Variants in PRKG1 observed in about 807,000 individuals in gnomAD.
The protein encoded by PRKG1 is protein kinase cGMP-dependent 1, also known as cGMP-dependent protein kinase 1.
PRKG1 carries 35 observed loss-of-function variants against 88.1 expected under a neutral mutation model. That is an observed-to-expected ratio of 0.40 (90% CI 0.30 to 0.53). PRKG1 has a LOEUF of 0.53. PRKG1 is among the 20% of genes least tolerant of loss of function. The probability of loss-of-function intolerance (pLI) is 0.59; values close to 1 mark genes in which losing one functional copy is unlikely to be tolerated. For synonymous variants in PRKG1, 303 were observed against 292.5 expected, an observed-to-expected ratio of 1.04 and a Z score of -0.37; for missense variants, 540 against 839.8, an observed-to-expected ratio of 0.64 and a Z score of 4.41.
In PRKG1 at chr10:52,021,892, T is replaced by A. The variant is rs1463774541; in HGVS notation, c.763-32592T>A. Among the ~76,000 whole-genome samples the A allele has an allele frequency of 2.0e-5, 3 of 152,354 alleles. No individual in the cohort carries two copies. In the East Asian group the frequency reaches 5.8e-4, roughly 29 times the overall value. On this transcript the variant is annotated intron_variant, in intron 5 of 17. Transcript: ENST00000373980. ...CTAGGAAAAAGTGGGAAAGTGACAC[T>A]GCTTTTTCTTATTGCCATATCCATG... is the stretch of plus-strand genomic sequence containing the variant.
chr10:51,294,445 T>C (rs1417351413), intron 2 of PRKG1, among the ~76,000 whole-genome samples: 2 of 151,888 alleles, frequency 1.3e-5, no homozygotes. Context: ...ACATACTGTT[T>C]TCCCAACATA....
At chr10:51,418,820 T>G (rs185117193) in intron 2 of PRKG1, among the ~76,000 whole-genome samples, 60 of 152,282 alleles carry the variant, frequency 3.9e-4, no homozygotes, top group African/African-American at 1.4e-3. Context: ...TGGGTAATCT[T>G]GTAGGCTGAG....
At chr10:51,458,566 C>T (rs565930092) in intron 2 of PRKG1, among the ~76,000 whole-genome samples, 85 of 152,042 alleles carry the variant, frequency 5.6e-4, no homozygotes, top group African/African-American at 1.9e-3. Context: ...TACTGTGAAG[C>T]AGGTAGTTAT....
intron 3 of PRKG1, among the ~76,000 whole-genome samples, chr10:51,652,319 A>AT (rs1840058491): frequency 5.0e-5 from 2 of 40,248 alleles, no homozygotes; most frequent in African/African-American, 9.0e-5. Flanking sequence ...TCTGACACAA[A>AT]TTAAAAAAAA....
At chr10:51,585,352 G>A (rs989114504) in intron 3 of PRKG1, among the ~76,000 whole-genome samples, 16 of 152,058 alleles carry the variant, frequency 1.1e-4, no homozygotes, top group Admixed American at 9.2e-4. Flanking sequence ...ATATTTTGGT[G>A]ATTTACACAA....
At chr10:52,150,168 A>ATTATTATT (rs1564490922) in intron 8 of PRKG1, among the ~76,000 whole-genome samples, 2 of 108,658 alleles carry the variant, frequency 1.8e-5, no homozygotes, top group African/African-American at 7.9e-5. Flanking sequence ...TAATAATAAT[A>ATTATTATT]ATAATAATAA....
intron 2 of PRKG1, among the ~76,000 whole-genome samples, chr10:51,436,225 AT>A (rs1297056942): frequency 2.0e-5 from 3 of 151,268 alleles, no homozygotes; most frequent in Admixed American, 2.0e-4. Flanking sequence ...GTCCAAAGTA[AT>A]TATTGCTCTG....
intron 3 of PRKG1, among the ~76,000 whole-genome samples, chr10:51,780,279 T>C (rs937157299): frequency 3.3e-5 from 5 of 152,056 alleles, no homozygotes; most frequent in Non-Finnish European, 7.4e-5. Context: ...TTTCCTCCTT[T>C]CCCTACATAC....
At chr10:52,014,138 A>G (rs1844972270) in intron 5 of PRKG1, among the ~76,000 whole-genome samples, 2 of 152,168 alleles carry the variant, frequency 1.3e-5, no homozygotes, top group Admixed American at 1.3e-4. Flanking sequence ...AAGAAGAGGT[A>G]TTTCAAAGAT....
intron 2 of PRKG1, among the ~76,000 whole-genome samples, chr10:51,249,184 C>A (rs1839367707): frequency 6.6e-6 from 1 of 151,346 alleles, no homozygotes; most frequent in African/African-American, 2.4e-5. Flanking sequence ...AAACTAGGGG[C>A]AAAAAAATTT....
At chr10:51,849,592 A>G (rs914661676) in intron 4 of PRKG1, among the ~76,000 whole-genome samples, 56 of 152,274 alleles carry the variant, frequency 3.7e-4, no homozygotes, top group African/African-American at 1.3e-3. Context: ...ATTTTACACC[A>G]AAGTCCCTTT....
At chr10:51,173,228 C>T (rs528462984) in intron 2 of PRKG1, among the ~76,000 whole-genome samples, 2 of 152,018 alleles carry the variant, frequency 1.3e-5, no homozygotes, top group South Asian at 2.1e-4. Context: ...ATATTATCTA[C>T]CTGTTTTCCC....
intron 4 of PRKG1, among the ~76,000 whole-genome samples, chr10:51,833,538 C>T (rs1002999759): frequency 9.9e-5 from 15 of 152,158 alleles, no homozygotes; most frequent in East Asian, 5.8e-4. Context: ...TGCATGGAAA[C>T]GTGAATCTTT....
intron 2 of PRKG1, among the ~76,000 whole-genome samples, chr10:51,318,897 C>T (rs75884358): frequency 0.031 from 4,762 of 152,248 alleles, 122 homozygotes; most frequent in South Asian, 0.076. Context: ...TCCTACATTG[C>T]TGATTTGCTT....
At chr10:51,698,434 A>G (rs773013114) in intron 3 of PRKG1, 5 of 1,614,044 alleles carry the variant, frequency 3.1e-6, no homozygotes, top group Non-Finnish European at 4.2e-6. Context: ...AAGGGCCACG[A>G]GTGTCATGAC....
At chr10:51,484,512 A>C (rs1194676419) in intron 3 of PRKG1, among the ~76,000 whole-genome samples, 2 of 152,136 alleles carry the variant, frequency 1.3e-5, no homozygotes, top group African/African-American at 4.8e-5. Flanking sequence ...CCTAGGCTCA[A>C]GCGATCCACT....
upstream of PRKG1, among the ~76,000 whole-genome samples, chr10:51,071,899 T>C (rs561508525): frequency 6.6e-6 from 1 of 152,318 alleles, no homozygotes; most frequent in African/African-American, 2.4e-5. Context: ...TTGTTTTCAC[T>C]TTAAAAATGA....
At chr10:51,407,978 G>A (rs113598099) in intron 2 of PRKG1, among the ~76,000 whole-genome samples, 2,373 of 147,324 alleles carry the variant, frequency 0.016, 35 homozygotes, top group Middle Eastern at 0.028. Flanking sequence ...TATGTCTCCT[G>A]GTGGCAGCTT....
At chr10:51,973,729 C>G (rs1843763475) in intron 5 of PRKG1, among the ~76,000 whole-genome samples, 1 of 151,972 alleles carries the variant, frequency 6.6e-6, no homozygotes. Context: ...TGGACTTTTC[C>G]TTATATCTCA....
Sources: gnomAD v4.1 joint callset for allele counts (sites outside exome capture counted in the v4.1 genomes callset) on GRCh38, gnomAD v4.1.1 for gene constraint, MANE v1.5 for transcripts, NCBI Gene and HGNC (gene_info 2026-07-23, HGNC 2026-07-21) for gene names.